Variants in PRKN observed in about 807,000 individuals in gnomAD.
PRKN encodes the protein parkin RBR E3 ubiquitin protein ligase.
A neutral mutation model predicts 59.5 loss-of-function variants in PRKN; 56 were observed. The ratio of observed to expected loss-of-function variants is 0.94; its 90% CI spans 0.76 to 1.18. PRKN has a LOEUF of 1.18. PRKN is among the 50% of genes most tolerant of loss of function. The pLI is 0.00. For synonymous variants in PRKN, 250 were observed against 222.1 expected (o/e 1.13, Z -1.12); for missense variants, 657 against 596.4 (o/e 1.10, Z -1.06).
At chr6:161,834,767 C>G (rs913651814) in intron 6 of PRKN, among the ~76,000 whole-genome samples, 5 of 152,226 alleles carry the variant, frequency 3.3e-5, no homozygotes, top group African/African-American at 1.2e-4. Context: ...TACACACGCC[C>G]TGGCTCTCAG....
intron 1 of PRKN, among the ~76,000 whole-genome samples, chr6:162,561,117 G>A (rs1024847244): frequency 1.3e-5 from 2 of 152,112 alleles, no homozygotes; most frequent in African/African-American, 4.8e-5. Context: ...CAGTCAGTCT[G>A]GTGTGAGATG....
At chr6:162,267,690 T>C (rs1780200682) in intron 2 of PRKN, among the ~76,000 whole-genome samples, 1 of 152,184 alleles carries the variant, frequency 6.6e-6, no homozygotes. Flanking sequence ...GGTTTGGTCT[T>C]ACACTGTCAA....
chr6:161,606,505 C>G (rs866535769), intron 7 of PRKN, among the ~76,000 whole-genome samples: 10 of 152,120 alleles, frequency 6.6e-5, no homozygotes, highest in African/African-American at 1.2e-4. Flanking sequence ...CTTCCTAAAG[C>G]CTGACTAAAA....
intron 5 of PRKN, among the ~76,000 whole-genome samples, chr6:162,016,480 C>G (rs967819081): frequency 2.0e-5 from 3 of 152,118 alleles, no homozygotes; most frequent in African/African-American, 7.2e-5. Context: ...GGTCCTCTGA[C>G]TGTCCCTTGC....
At chr6:162,718,951 T>TACAC (rs372374438) in intron 1 of PRKN, among the ~76,000 whole-genome samples, 4 of 150,586 alleles carry the variant, frequency 2.7e-5, no homozygotes, top group Non-Finnish European at 3.0e-5. Flanking sequence ...CACACACACA[T>TACAC]ACACACACAC....
intron 4 of PRKN, among the ~76,000 whole-genome samples, chr6:162,123,757 C>T (rs1781013961): frequency 6.6e-6 from 1 of 152,088 alleles, no homozygotes; most frequent in Admixed American, 6.5e-5. Context: ...AGTATATGTT[C>T]TGAAAAGATA....
intron 4 of PRKN, among the ~76,000 whole-genome samples, chr6:162,102,415 C>T (rs2128299461): frequency 6.6e-6 from 1 of 152,250 alleles, no homozygotes; most frequent in South Asian, 2.1e-4. Flanking sequence ...TGGCAATCAT[C>T]AATACTTTCC....
intron 3 of PRKN, among the ~76,000 whole-genome samples, chr6:162,225,419 G>T (rs184652279): frequency 1.3e-5 from 2 of 152,246 alleles, no homozygotes; most frequent in East Asian, 1.9e-4. Flanking sequence ...AGAAATTCAG[G>T]CTTACATGTT....
chr6:161,471,714 G>A lies in PRKN; in HGVS notation c.1083+77140C>T, dbSNP rs1790799188. On this transcript the variant is annotated intron_variant, in intron 9 of 11. Transcript: ENST00000366898. This position sits in a 1 kb window ranked among gnomAD's most constrained non-coding sequence, Gnocchi z 4.5. ...GATTACAGAACCGACTTTTAGAGAA[G>A]AGTTTAAATCCCAGTACTAGAATAT... Among the ~76,000 whole-genome samples the A allele has an allele frequency of 6.6e-6, 1 of 152,126 alleles. No homozygotes were observed. The highest frequency in any genetic ancestry group is 1.5e-5 in the Non-Finnish European group (1 of 68,018).
At chr6:162,403,001 C>A (rs922252587) in intron 2 of PRKN, among the ~76,000 whole-genome samples, 5 of 152,044 alleles carry the variant, frequency 3.3e-5, no homozygotes. Flanking sequence ...TTGGGATGGT[C>A]TGGACTCAGA....
At chr6:161,909,295 A>C (rs1276737343) in intron 6 of PRKN, among the ~76,000 whole-genome samples, 1 of 152,222 alleles carries the variant, frequency 6.6e-6, no homozygotes, top group East Asian at 1.9e-4. Context: ...CATTACCAAA[A>C]TTTAAAGAAG....
At chr6:162,485,912 A>G (rs921578466) in intron 1 of PRKN, among the ~76,000 whole-genome samples, 1 of 152,170 alleles carries the variant, frequency 6.6e-6, no homozygotes, top group African/African-American at 2.4e-5. Flanking sequence ...AAGAACCATA[A>G]TCTTCTATCG....
intron 1 of PRKN, among the ~76,000 whole-genome samples, chr6:162,606,338 C>CCCA (rs1781912421): frequency 6.6e-6 from 1 of 152,124 alleles, no homozygotes; most frequent in South Asian, 2.1e-4. Flanking sequence ...TAGATTATAG[C>CCCA]CCACAGTTGG....
At chr6:162,449,454 A>C (rs2128170149) in intron 1 of PRKN, among the ~76,000 whole-genome samples, 1 of 152,334 alleles carries the variant, frequency 6.6e-6, no homozygotes, top group South Asian at 2.1e-4. Context: ...CTCAATGTTA[A>C]GTGACCTTGC....
At chr6:161,900,712 AATAT>A (rs1777874759) in intron 6 of PRKN, among the ~76,000 whole-genome samples, 1 of 78,322 alleles carries the variant, frequency 1.3e-5, no homozygotes, top group African/African-American at 5.0e-5. Context: ...TATATCATAT[AATAT>A]ATAATACATT....
chr6:162,483,402 TA>T (rs1792392299), intron 1 of PRKN, among the ~76,000 whole-genome samples: 3 of 152,218 alleles, frequency 2.0e-5, no homozygotes, highest in Admixed American at 2.0e-4. Context: ...TTAATTTAAC[TA>T]TATGCAAATT....
intron 5 of PRKN, among the ~76,000 whole-genome samples, chr6:161,978,839 T>G (rs1781151957): frequency 6.6e-6 from 1 of 152,220 alleles, no homozygotes; most frequent in Admixed American, 6.5e-5. Context: ...CCGGGGAAGT[T>G]GCTTCTCGGT....
At chr6:161,597,836 GCA>G (rs35750936) in intron 7 of PRKN, among the ~76,000 whole-genome samples, 4,425 of 150,036 alleles carry the variant, frequency 0.029, 141 homozygotes, top group African/African-American at 0.084. Flanking sequence ...TCCAGCGTGC[GCA>G]CACACACACA....
intron 5 of PRKN, among the ~76,000 whole-genome samples, chr6:161,982,269 G>A (rs1186872266): frequency 6.7e-6 from 1 of 148,830 alleles, no homozygotes; most frequent in Non-Finnish European, 1.5e-5. Flanking sequence ...ACAAACAAAT[G>A]GAAGAACATT....
Sources: allele counts gnomAD v4.1 joint callset (sites outside exome capture counted in the v4.1 genomes callset), GRCh38; gene constraint gnomAD v4.1.1; non-coding constraint Gnocchi (gnomAD v3.1); transcripts MANE v1.5; gene names NCBI Gene and HGNC (gene_info 2026-07-23, HGNC 2026-07-21).